The following CCDC6 variants were observed in gnomAD, a reference collection of about 807,000 sequenced individuals.
CCDC6 encodes the protein coiled-coil domain-containing protein 6.
Under a neutral mutation model 56.6 loss-of-function variants are expected in CCDC6, and 20 were observed. That is an observed-to-expected ratio of 0.35 (90% CI 0.25 to 0.51). The LOEUF is 0.51. CCDC6 is among the 20% of genes least tolerant of loss of function. The pLI is 0.95. For synonymous variants in CCDC6, 241 were observed against 234.4 expected, an observed-to-expected ratio of 1.03 and a Z score of -0.26; for missense variants, 367 against 601.1, an observed-to-expected ratio of 0.61 and a Z score of 4.07.
At chr10:59,832,453 G>C (rs2070842389) in intron 3 of CCDC6, 72 bp downstream of exon 3, 1 of 1,407,800 alleles carries the variant, frequency 7.1e-7, no homozygotes, top group South Asian at 1.4e-5. Context: ...ATTCCTCCAG[G>C]CATCTTAAAG....
intron 1 of CCDC6, among the ~76,000 whole-genome samples, chr10:59,877,745 G>GA (rs1213468539): frequency 1.3e-5 from 2 of 152,134 alleles, no homozygotes; most frequent in African/African-American, 4.8e-5. Context: ...TGCCAGAAAG[G>GA]AAAAGACACA....
intron 3 of CCDC6, among the ~76,000 whole-genome samples, chr10:59,821,431 T>C (rs17201105): frequency 0.2 from 29,997 of 152,120 alleles, 3,665 homozygotes; most frequent in Non-Finnish European, 0.28. Flanking sequence ...GCAATTCTCC[T>C]AAGGTGGAAG....
Position 59,897,256 on chromosome 10 carries a change from A to AT in CCDC6, c.303+8865dup, listed in dbSNP as rs953926335. On this transcript the variant is annotated intron_variant, in intron 1 of 8. Transcript: ENST00000263102. ...TCATTTGAGTTGGTATATTAGGATA[A>AT]TTTTTTTTTTTTTTGAGATGGAGTT... is the stretch of plus-strand genomic sequence containing the variant. Among the ~76,000 whole-genome samples, 1,193 of 145,252 alleles carry AT rather than the reference A, an allele frequency of 8.2e-3. 6 individuals carry two copies. The highest frequency in any genetic ancestry group is 0.024 in the African/African-American group (968 of 39,966).
chr10:59,822,500 T>A (rs1564742071), intron 3 of CCDC6, among the ~76,000 whole-genome samples: 1 of 152,198 alleles, frequency 6.6e-6, no homozygotes, highest in Non-Finnish European at 1.5e-5. Context: ...ATTCTTTTAC[T>A]ACATCAAGAG....
chr10:59,843,004 C>T (rs1026182634), intron 2 of CCDC6, among the ~76,000 whole-genome samples: 5 of 152,032 alleles, frequency 3.3e-5, no homozygotes, highest in Non-Finnish European at 7.4e-5. Context: ...CCACCTGCCT[C>T]GGCCTCCCAA....
At chr10:59,836,009 G>A (rs981687930) in intron 2 of CCDC6, among the ~76,000 whole-genome samples, 1 of 140,932 alleles carries the variant, frequency 7.1e-6, no homozygotes, top group Non-Finnish European at 1.5e-5. Context: ...GAGCATGAGT[G>A]CACCCCTGCA....
At chr10:59,819,489 T>C (rs2070735024) in intron 3 of CCDC6, among the ~76,000 whole-genome samples, 1 of 152,170 alleles carries the variant, frequency 6.6e-6, no homozygotes, top group Admixed American at 6.6e-5. Context: ...CACCACTTCC[T>C]GCCCACCTAA....
chr10:59,871,558 C>T (rs1019986700), intron 1 of CCDC6, among the ~76,000 whole-genome samples: 2 of 150,994 alleles, frequency 1.3e-5, no homozygotes, highest in African/African-American at 2.4e-5. Context: ...AGGGATGGGG[C>T]CCCAAGGTTC....
chr10:59,841,829 G>A (rs2070942555), intron 2 of CCDC6, among the ~76,000 whole-genome samples: 1 of 149,454 alleles, frequency 6.7e-6, no homozygotes, highest in Admixed American at 6.7e-5. Context: ...AACCACGCCC[G>A]GCTAATTTTT....
At chr10:59,882,029 G>C (rs529610459) in intron 1 of CCDC6, among the ~76,000 whole-genome samples, 47 of 146,272 alleles carry the variant, frequency 3.2e-4, no homozygotes, top group Non-Finnish European at 5.0e-4. Flanking sequence ...AAAGCCGCGG[G>C]GAGAAGGAAA....
intron 2 of CCDC6, among the ~76,000 whole-genome samples, chr10:59,847,305 G>A (rs55842846): frequency 0.36 from 54,057 of 151,796 alleles, 9,647 homozygotes; most frequent in South Asian, 0.43. Context: ...CGCCCGCCTC[G>A]GCCTCCCAAA....
chr10:59,832,410 G>C, intron 3 of CCDC6, 115 bp downstream of exon 3: 1 of 884,948 alleles, frequency 1.1e-6, no homozygotes, highest in Non-Finnish European at 1.7e-6. Context: ...CTCCACAGTG[G>C]GGAGAGAAAG....
chr10:59,805,747 T>C (rs1010977308), intron 6 of CCDC6, among the ~76,000 whole-genome samples: 23 of 152,352 alleles, frequency 1.5e-4, no homozygotes, highest in African/African-American at 5.5e-4. Context: ...GGCATACACA[T>C]AGGTATTTAA....
intron 3 of CCDC6, among the ~76,000 whole-genome samples, chr10:59,824,884 T>G (rs2070775499): frequency 6.6e-6 from 1 of 152,232 alleles, no homozygotes; most frequent in Non-Finnish European, 1.5e-5. Flanking sequence ...AAATTTGTAT[T>G]TATAACTAAA....
intron 3 of CCDC6, among the ~76,000 whole-genome samples, chr10:59,830,753 T>G (rs948140045): frequency 2.0e-5 from 3 of 152,138 alleles, no homozygotes; most frequent in Non-Finnish European, 4.4e-5. Context: ...AGGCAGGACT[T>G]TTTCCCAGGA....
intron 1 of CCDC6, among the ~76,000 whole-genome samples, chr10:59,898,635 G>A (rs1199368132): frequency 6.6e-6 from 1 of 152,224 alleles, no homozygotes; most frequent in African/African-American, 2.4e-5. Context: ...GGGCCAGGCT[G>A]AATGAAAGTC....
In CCDC6 at chr10:59,904,587, T is replaced by A. The variant is rs34291336; in HGVS notation, c.303+1535A>T. Among the ~76,000 whole-genome samples, 199 of 152,332 alleles carry A rather than the reference T, an allele frequency of 1.3e-3. 1 individual carries two copies. Among genetic ancestry groups the A allele is most frequent in the Middle Eastern group, 0.01 (3 of 294 alleles). Reference sequence around the variant, plus strand: ...AACCCCCACTCAGCAAAGACATCTCTGTCAGCGAAGAAAGCTGCATAGGAG... The same window carrying A: ...AACCCCCACTCAGCAAAGACATCTCAGTCAGCGAAGAAAGCTGCATAGGAG... On this transcript the variant is annotated intron_variant, in intron 1 of 8. Coordinates refer to ENST00000263102, the MANE Select transcript of CCDC6 (RefSeq NM_005436.5).
At chr10:59,804,636 G>A in intron 6 of CCDC6, 116 bp from the exon 7 acceptor site, 1 of 681,890 alleles carries the variant, frequency 1.5e-6, no homozygotes, top group Non-Finnish European at 2.7e-6. Context: ...TGAATGTTTA[G>A]AGTGATGTTA....
chr10:59,873,960 C>T (rs1013207068), intron 1 of CCDC6, among the ~76,000 whole-genome samples: 13 of 152,134 alleles, frequency 8.5e-5, no homozygotes, highest in African/African-American at 2.9e-4. Flanking sequence ...GGCAGTAGCA[C>T]ATTTAGACAC....
Sources: allele counts gnomAD v4.1 joint callset (sites outside exome capture counted in the v4.1 genomes callset), GRCh38; gene constraint gnomAD v4.1.1; transcripts MANE v1.5; gene names NCBI Gene and HGNC (gene_info 2026-07-23, HGNC 2026-07-21).